Variants in CD47 observed in about 807,000 individuals in gnomAD.
The protein encoded by CD47 is leukocyte surface antigen CD47.
In CD47, 11 loss-of-function variants were observed where a neutral mutation model predicts 44.6. The observed-to-expected ratio is 0.25, with a 90% CI of 0.16 to 0.41. CD47 has a LOEUF of 0.41. CD47 is among the 10% of genes least tolerant of loss of function. The pLI is 1.00. For missense variants in CD47, 306 were observed against 386.7 expected (o/e 0.79, Z 1.75); for synonymous variants, 140 against 136.3 (o/e 1.03, Z -0.19).
rs34994254 is a variant in CD47, at chr3:108,083,896, CTT to C, written c.47-3554_47-3553del. 4.8e-3 allele frequency among the ~76,000 whole-genome samples: 663 copies of C among 137,936 alleles called. 1 individual carries two copies. Among genetic ancestry groups the C allele is most frequent in the Middle Eastern group, 7.4e-3 (2 of 270 alleles). 90.5% of individuals were successfully genotyped at this position (137,936 alleles called of 152,430 possible). A position where few individuals can be genotyped will look rare whatever the true frequency, so the allele number is the denominator to read the frequency against. On this transcript the variant is annotated intron_variant, in intron 1 of 10. Coordinates refer to ENST00000361309, the MANE Select transcript of CD47 (RefSeq NM_001777.4). The stretch of plus-strand genomic sequence containing the variant: ...TACCTGTAACCCCAACTATCCACAC[CTT>C]TTTTTTTTTTTTGCTTCCTTTTCTG...
intron 3 of CD47, among the ~76,000 whole-genome samples, 177 bp downstream of exon 3, chr3:108,070,916 A>G (rs1019180163): frequency 6.6e-6 from 1 of 152,226 alleles, no homozygotes; most frequent in African/African-American, 2.4e-5. Context: ...AGTGAACTGC[A>G]GCAAAATGTG....
intron 3 of CD47, among the ~76,000 whole-genome samples, chr3:108,065,000 A>T (rs1243416778): frequency 2.0e-5 from 3 of 152,224 alleles, no homozygotes; most frequent in Non-Finnish European, 4.4e-5. Context: ...TAACACACAC[A>T]TGCATACACA....
chr3:108,057,537 A>G lies in CD47; in HGVS notation c.817T>C (p.Ser273Pro). 6.3e-7 allele frequency: 1 copy of G among 1,580,618 alleles called. No individual in the cohort carries two copies. Among genetic ancestry groups the G allele is most frequent in the Non-Finnish European group, 8.7e-7 (1 of 1,149,854 alleles). The change falls in exon 7 of 11, where the codon TCA becomes CCA. Residue 273 changes from serine to proline, a missense_variant. Transcript: ENST00000361309. ...GCTAGAGCTAAGATACTCAAACCTG[A>G]AATCAGAAGAGGGCCATGCATTGGT... ...CIPMHGPLLI[S>P]GLSILALAQL...
chr3:108,090,923 C>G lies in CD47; in HGVS notation c.-15G>C. 1 of 1,467,824 alleles carries G rather than the reference C, an allele frequency of 6.8e-7. No individual in the cohort carries two copies. The highest frequency in any genetic ancestry group is 9.0e-7 in the Non-Finnish European group (1 of 1,113,412). The allele number at this position is 1,467,824 out of a possible 1,614,324, so 90.9% of individuals were successfully genotyped here. On this transcript the variant is annotated 5_prime_UTR_variant, in exon 1 of 11. Coordinates refer to ENST00000361309, the MANE Select transcript of CD47 (RefSeq NM_001777.4). ...AGGGGCCACATCTCCGCGCCCGCCG[C>G]GGGGTCGCCGCCGCCGCCGCAGGTG...
At chr3:108,061,381 G>C (rs1233781945) in intron 3 of CD47, among the ~76,000 whole-genome samples, 2 of 151,852 alleles carry the variant, frequency 1.3e-5, no homozygotes, top group Admixed American at 1.3e-4. Context: ...GAGAAAAAGA[G>C]AATTTTGTCC....
chr3:108,049,117 T>G (rs1466407283), intron 10 of CD47, among the ~76,000 whole-genome samples: 1 of 135,458 alleles, frequency 7.4e-6, no homozygotes, highest in African/African-American at 3.1e-5. Context: ...TCTCTCTCTC[T>G]CTCTCTCTCT....
At chr3:108,052,287 C>A (rs1417390875) in intron 7 of CD47, 4 of 271,424 alleles carry the variant, frequency 1.5e-5, no homozygotes, top group Non-Finnish European at 2.9e-5. Context: ...CAACATACCC[C>A]CACCATGGGT....
intron 2 of CD47, among the ~76,000 whole-genome samples, chr3:108,076,689 A>G (rs1314737075): frequency 2.6e-5 from 4 of 152,224 alleles, no homozygotes; most frequent in African/African-American, 9.6e-5. Context: ...GCACATGTGC[A>G]AATAAATGTT....
At position 108,046,508 on chromosome 3, in the gene CD47, A is replaced by C. The variant is rs1204020638; in HGVS notation, c.*780T>G. ...CCGTGTCACTAGACCATGTTCAAAG[A>C]GGAGAAAAGGTGCTACATCTTGTAC... is the stretch of plus-strand genomic sequence containing the variant. On this transcript the variant is annotated 3_prime_UTR_variant, in exon 11 of 11. Coordinates refer to ENST00000361309, the MANE Select transcript of CD47 (RefSeq NM_001777.4). 1 of 152,664 alleles carries C rather than the reference A, an allele frequency of 6.6e-6. No individual in the cohort carries two copies. Among genetic ancestry groups the C allele is most frequent in the Admixed American group, 6.5e-5 (1 of 15,282 alleles). The allele number at this position is 152,664 out of a possible 1,614,324, so 9.5% of individuals were successfully genotyped here.
intron 10 of CD47, among the ~76,000 whole-genome samples, chr3:108,047,835 G>C (rs1358788979): frequency 6.6e-6 from 1 of 152,122 alleles, no homozygotes; most frequent in Non-Finnish European, 1.5e-5. Flanking sequence ...AAAATTAAGA[G>C]AATCTTGAAG....
intron 1 of CD47, among the ~76,000 whole-genome samples, chr3:108,086,803 T>C (rs57737896): frequency 0.01 from 1,585 of 152,018 alleles, 27 homozygotes; most frequent in African/African-American, 0.036. Flanking sequence ...AAGGAGTCAA[T>C]GGAGAGGGAA....
chr3:108,088,276 A>G (rs1014381905), intron 1 of CD47, among the ~76,000 whole-genome samples: 3 of 152,220 alleles, frequency 2.0e-5, no homozygotes, highest in African/African-American at 7.2e-5. Context: ...ATATGTATCA[A>G]TTTGGGGGGA....
intron 10 of CD47, among the ~76,000 whole-genome samples, chr3:108,048,904 T>C (rs2078770146): frequency 6.6e-6 from 1 of 152,126 alleles, no homozygotes; most frequent in African/African-American, 2.4e-5. Flanking sequence ...ACATAATTAC[T>C]AAATGCCAAC....
chr3:108,049,542 A>G, intron 10 of CD47, 77 bp downstream of exon 10: 1 of 914,272 alleles, frequency 1.1e-6, no homozygotes, highest in Non-Finnish European at 1.8e-6. Flanking sequence ...AAAGAGCCAC[A>G]TTTTCAAGAA....
At chr3:108,086,326 G>A (rs184296595) in intron 1 of CD47, among the ~76,000 whole-genome samples, 60 of 151,972 alleles carry the variant, frequency 3.9e-4, no homozygotes, top group African/African-American at 1.3e-3. Context: ...AGGGAGATCC[G>A]TTAACAGACT....
intron 1 of CD47, among the ~76,000 whole-genome samples, chr3:108,084,025 C>T (rs1038112347): frequency 4.6e-5 from 7 of 151,904 alleles, no homozygotes; most frequent in Non-Finnish European, 1.0e-4. Flanking sequence ...CCCACATCCC[C>T]CATTCCATTT....
chr3:108,085,476 C>A (rs572896606), intron 1 of CD47, among the ~76,000 whole-genome samples: 5 of 152,214 alleles, frequency 3.3e-5, no homozygotes, highest in Non-Finnish European at 7.4e-5. Context: ...ACATATACAG[C>A]AAGTACTCAA....
chr3:108,051,759 T>A (rs575754184), intron 8 of CD47, 180 bp downstream of exon 8: 2 of 688,468 alleles, frequency 2.9e-6, no homozygotes, highest in Non-Finnish European at 5.6e-6. Context: ...GACACTAAAA[T>A]GACCAAACAC....
chr3:108,070,005 T>A (rs774464981), intron 3 of CD47, among the ~76,000 whole-genome samples: 55 of 152,140 alleles, frequency 3.6e-4, no homozygotes, highest in Admixed American at 3.3e-4. Flanking sequence ...TCTTCCCCCT[T>A]TTTTCCTTTC....
Sources: allele counts gnomAD v4.1 joint callset (sites outside exome capture counted in the v4.1 genomes callset), GRCh38; gene constraint gnomAD v4.1.1; transcripts MANE v1.5; gene names NCBI Gene and HGNC (gene_info 2026-07-23, HGNC 2026-07-21).